ARMC9: variants seen among roughly 807,000 people sequenced by gnomAD.
The protein encoded by ARMC9 is lisH domain-containing protein ARMC9.
In ARMC9, 94 loss-of-function variants were observed where a neutral mutation model predicts 107.0. The ratio of observed to expected loss-of-function variants is 0.88; its 90% confidence interval spans 0.74 to 1.04. ARMC9 has a LOEUF of 1.04. Ranked by LOEUF, ARMC9 falls within the 50% of genes least tolerant of loss-of-function variation. The probability of loss-of-function intolerance (pLI) is 0.00; values close to 1 mark genes in which losing one functional copy is unlikely to be tolerated. For synonymous variants in ARMC9, 380 were observed against 396.9 expected (o/e 0.96, Z 0.51); for missense variants, 942 against 1,030.1 (o/e 0.91, Z 1.17).
rs1327050652 is a variant in ARMC9 at position 231,216,536 on chromosome 2, C to T, written c.349-102C>T. The stretch of plus-strand genomic sequence containing the variant: ...TGCCAGGTTAGATAGGGGATGCCAG[C>T]GACACGACTGGGACAGAAGGAGCCT... On this transcript the variant is annotated intron_variant, in intron 4 of 24. Transcript: ENST00000611582. 3.6e-5 allele frequency: 48 copies of T among 1,334,226 alleles called. No individual in the cohort carries two copies. In the Admixed American group the frequency reaches 7.4e-4, roughly 20 times the overall value. 82.6% of individuals were successfully genotyped at this position (1,334,226 alleles called of 1,614,324 possible). A position where few individuals can be genotyped will look rare whatever the true frequency, so the allele number is the denominator to read the frequency against.
At chr2:231,327,562 G>GT (rs2043411596) in intron 19 of ARMC9, among the ~76,000 whole-genome samples, 1 of 152,062 alleles carries the variant, frequency 6.6e-6, no homozygotes, top group Non-Finnish European at 1.5e-5. Context: ...TACCACATTT[G>GT]TTTACCTGTT....
At chr2:231,243,203 C>T (rs1402869620) in intron 9 of ARMC9, among the ~76,000 whole-genome samples, 3 of 151,086 alleles carry the variant, frequency 2.0e-5, no homozygotes, top group East Asian at 1.9e-4. Context: ...GCTGAGATCA[C>T]GCCACTGCAC....
chr2:231,270,834 A>T (rs2039259810), intron 12 of ARMC9, 148 bp from the exon 13 acceptor site: 1 of 742,426 alleles, frequency 1.3e-6, no homozygotes, highest in Non-Finnish European at 2.4e-6. Flanking sequence ...GAAAACAAGG[A>T]TTCCAGATGA....
At chr2:231,343,003 T>C (rs2044610446) in intron 20 of ARMC9, among the ~76,000 whole-genome samples, 1 of 152,114 alleles carries the variant, frequency 6.6e-6, no homozygotes, top group Admixed American at 6.6e-5. Context: ...AACCTCCACC[T>C]CCCTGGTTCA....
intron 15 of ARMC9, among the ~76,000 whole-genome samples, 165 bp downstream of exon 15, chr2:231,276,940 C>T (rs539775313): frequency 2.6e-5 from 4 of 152,216 alleles, no homozygotes; most frequent in Admixed American, 2.6e-4. Flanking sequence ...CTGTTGAATC[C>T]CTGAAGGCAA....
At chr2:231,370,265 C>A in intron 24 of ARMC9, 140 bp downstream of exon 24, 2 of 966,720 alleles carry the variant, frequency 2.1e-6, no homozygotes, top group Non-Finnish European at 2.8e-6. Context: ...TGCTTCCCTT[C>A]CCCACACAAC....
intron 10 of ARMC9, among the ~76,000 whole-genome samples, chr2:231,256,981 A>C (rs2037882995): frequency 6.6e-6 from 1 of 152,064 alleles, no homozygotes; most frequent in Admixed American, 6.5e-5. Context: ...ACGCCCGGCT[A>C]ATTTTGTATT....
chr2:231,334,465 C>T (rs1424313619), intron 20 of ARMC9, among the ~76,000 whole-genome samples: 1 of 152,210 alleles, frequency 6.6e-6, no homozygotes. Flanking sequence ...TGTAAGGACA[C>T]TTGTTCCCCC....
intron 9 of ARMC9, among the ~76,000 whole-genome samples, chr2:231,254,735 G>C (rs2037609131): frequency 6.6e-6 from 1 of 151,760 alleles, no homozygotes; most frequent in African/African-American, 2.4e-5. Flanking sequence ...TTTTTAACAA[G>C]GCTTCTGTAA....
intron 20 of ARMC9, among the ~76,000 whole-genome samples, chr2:231,340,633 T>G (rs2044438767): frequency 6.6e-6 from 1 of 152,176 alleles, no homozygotes; most frequent in African/African-American, 2.4e-5. Flanking sequence ...ACTCCTGTAA[T>G]CCCAGCACTT....
chr2:231,224,102 G>C (rs1009531118), intron 6 of ARMC9, among the ~76,000 whole-genome samples: 1 of 152,050 alleles, frequency 6.6e-6, no homozygotes, highest in Non-Finnish European at 1.5e-5. Flanking sequence ...TAATCAAAAT[G>C]ATTTACATGG....
At chr2:231,346,937 C>G (rs1575155669) in intron 21 of ARMC9, among the ~76,000 whole-genome samples, 2 of 152,112 alleles carry the variant, frequency 1.3e-5, no homozygotes, top group East Asian at 3.8e-4. Context: ...GAATCATTGT[C>G]TTAAAAGTAT....
At position 231,362,754 on chromosome 2, in the gene ARMC9, T is replaced by C. The variant is rs1434834647; in HGVS notation, c.2261+1871T>C. ...ATGAGAGATATATATATACCTCATA[T>C]GTATATGGTATACCTCATCTAGAAT... is the stretch of plus-strand genomic sequence containing the variant. On this transcript the variant is annotated intron_variant, in intron 23 of 24. Coordinates refer to ENST00000611582, the MANE Select transcript of ARMC9 (RefSeq NM_001352754.2). The surrounding 1 kb of genome is among the most constrained non-coding windows in gnomAD (Gnocchi z 4.7). The C allele has an allele frequency of 1.3e-5, 2 of 153,372 alleles. No individual in the cohort carries two copies. Among genetic ancestry groups the C allele is most frequent in the African/African-American group, 2.4e-5 (1 of 41,138 alleles). The allele number at this position is 153,372 out of a possible 1,614,324, so 9.5% of individuals were successfully genotyped here.
At chr2:231,217,225 C>T (rs1239193437) in intron 5 of ARMC9, among the ~76,000 whole-genome samples, 2 of 152,102 alleles carry the variant, frequency 1.3e-5, no homozygotes, top group Non-Finnish European at 2.9e-5. Context: ...TATGTGATTC[C>T]CTTTGTATAT....
At chr2:231,243,437 T>C (rs1431862657) in intron 9 of ARMC9, among the ~76,000 whole-genome samples, 3 of 151,926 alleles carry the variant, frequency 2.0e-5, no homozygotes, top group Non-Finnish European at 4.4e-5. Flanking sequence ...ACTGATGACA[T>C]GTTATTAAGC....
intron 7 of ARMC9, among the ~76,000 whole-genome samples, chr2:231,228,437 G>A (rs2034876518): frequency 6.6e-6 from 1 of 152,212 alleles, no homozygotes; most frequent in Admixed American, 6.5e-5. Context: ...GTCACGTGGG[G>A]TCTCAGCAGA....
intron 14 of ARMC9, 47 bp from the exon 15 acceptor site, chr2:231,276,588 GA>G: frequency 1.9e-6 from 3 of 1,611,708 alleles, no homozygotes; most frequent in Non-Finnish European, 2.5e-6. Flanking sequence ...CCTCTTATAT[GA>G]AAAGTTTCTT....
chr2:231,320,099 A>C (rs189456319), intron 19 of ARMC9, among the ~76,000 whole-genome samples: 20 of 146,966 alleles, frequency 1.4e-4, no homozygotes, highest in African/African-American at 4.5e-4. Flanking sequence ...TACTCATCCC[A>C]ATACCCAGTT....
intron 6 of ARMC9, among the ~76,000 whole-genome samples, chr2:231,225,518 T>C (rs942623992): frequency 2.0e-5 from 3 of 152,354 alleles, no homozygotes; most frequent in Non-Finnish European, 4.4e-5. Context: ...AATGATGGAA[T>C]ATCGTTTGAT....
Sources: allele counts gnomAD v4.1 joint callset (sites outside exome capture counted in the v4.1 genomes callset), GRCh38; gene constraint gnomAD v4.1.1; non-coding constraint Gnocchi (gnomAD v3.1); transcripts MANE v1.5; gene names NCBI Gene and HGNC (gene_info 2026-07-23, HGNC 2026-07-21).